The following PTBP3 variants were observed in gnomAD, a reference collection of about 807,000 sequenced individuals.
The protein encoded by PTBP3 is polypyrimidine tract-binding protein 3.
Under a neutral mutation model 58.7 loss-of-function variants are expected in PTBP3, and 20 were observed. The ratio of observed to expected loss-of-function variants is 0.34; its 90% CI spans 0.24 to 0.50. PTBP3 has a LOEUF of 0.50. PTBP3 is among the 20% of genes least tolerant of loss of function. PTBP3 has a pLI of 0.98. For missense variants in PTBP3, 509 were observed against 637.2 expected, an observed-to-expected ratio of 0.80 and a Z score of 2.17; for synonymous variants, 185 against 219.8, an observed-to-expected ratio of 0.84 and a Z score of 1.40.
intron 5 of PTBP3, among the ~76,000 whole-genome samples, chr9:112,256,536 T>C (rs1199839123): frequency 6.6e-6 from 1 of 152,024 alleles, no homozygotes; most frequent in East Asian, 1.9e-4. Flanking sequence ...TATGCAATTT[T>C]TTTTTCCTTT....
At chr9:112,343,140 A>G in the PTBP3 span, among the ~76,000 whole-genome samples, 1 of 152,172 alleles carries the variant, frequency 6.6e-6, no homozygotes, top group African/African-American at 2.4e-5. Flanking sequence ...CAGAAAGTAA[A>G]AAAGTTACTT....
the PTBP3 span, among the ~76,000 whole-genome samples, chr9:112,339,407 T>G: frequency 6.6e-6 from 1 of 152,020 alleles, no homozygotes; most frequent in African/African-American, 2.4e-5. Context: ...TTGACTTCTT[T>G]TTGTCCTTAA....
chr9:112,351,353 G>A, the PTBP3 span, among the ~76,000 whole-genome samples: 1 of 152,142 alleles, frequency 6.6e-6, no homozygotes, highest in East Asian at 1.9e-4. Context: ...ATATGTTTTT[G>A]GGAGAAAGAC....
chr9:112,272,855 C>A (rs1175760505), intron 3 of PTBP3: 1 of 152,134 alleles, frequency 6.6e-6, no homozygotes, highest in African/African-American at 2.4e-5. Context: ...AATTAGCAAG[C>A]ATATATCAAC....
the PTBP3 span, chr9:112,379,845 G>T: frequency 1.9e-6 from 1 of 514,772 alleles, no homozygotes; most frequent in Admixed American, 3.9e-5. Flanking sequence ...CCAGACGCTA[G>T]GCGCCGACAG....
intron 2 of PTBP3, among the ~76,000 whole-genome samples, chr9:112,276,611 G>T (rs1827621803): frequency 6.6e-6 from 1 of 151,932 alleles, no homozygotes; most frequent in African/African-American, 2.4e-5. Flanking sequence ...CCACCTTGCT[G>T]AAAATGGAAA....
At chr9:112,248,838 C>T (rs940565501) in intron 7 of PTBP3, among the ~76,000 whole-genome samples, 4 of 152,112 alleles carry the variant, frequency 2.6e-5, no homozygotes, top group Non-Finnish European at 5.9e-5. Context: ...TAGCATCAAA[C>T]TAAAACAACC....
chr9:112,322,324 T>C (rs562875157), intron 1 of PTBP3, among the ~76,000 whole-genome samples: 8 of 152,262 alleles, frequency 5.3e-5, no homozygotes, highest in African/African-American at 1.7e-4. Flanking sequence ...CAGTCCCTTC[T>C]GGCTTACCTG....
intron 2 of PTBP3, among the ~76,000 whole-genome samples, chr9:112,293,010 A>T (rs1020704111): frequency 2.0e-5 from 3 of 152,224 alleles, no homozygotes; most frequent in African/African-American, 7.2e-5. Context: ...AAATAATTCA[A>T]ATATCCACTG....
chr9:112,310,381 G>C (rs1187353108), intron 1 of PTBP3, among the ~76,000 whole-genome samples: 1 of 152,026 alleles, frequency 6.6e-6, no homozygotes, highest in East Asian at 1.9e-4. Context: ...CCTCTAAAAA[G>C]CCTTCTAATT....
intron 1 of PTBP3, among the ~76,000 whole-genome samples, chr9:112,326,016 T>TCAAA (rs56303654): frequency 0.85 from 128,085 of 151,388 alleles, 54,578 homozygotes; most frequent in African/African-American, 0.95. Flanking sequence ...AGACCCTGTC[T>TCAAA]CAAACAAACA....
At chr9:112,270,921 A>G (rs554035977) in intron 3 of PTBP3, among the ~76,000 whole-genome samples, 2 of 152,166 alleles carry the variant, frequency 1.3e-5, no homozygotes, top group Admixed American at 1.3e-4. Flanking sequence ...GGGTTCAAGC[A>G]ATCCGCGGCT....
At chr9:112,360,383 T>C in the PTBP3 span, among the ~76,000 whole-genome samples, 1 of 151,870 alleles carries the variant, frequency 6.6e-6, no homozygotes, top group Non-Finnish European at 1.5e-5. Flanking sequence ...AATCAGGGTG[T>C]CACTGTTGCC....
intron 1 of PTBP3, among the ~76,000 whole-genome samples, chr9:112,312,492 T>TTTG (rs1829526665): frequency 6.8e-6 from 1 of 146,846 alleles, no homozygotes; most frequent in East Asian, 2.0e-4. Context: ...TTTTTTGTTT[T>TTTG]TTTTTTTTAA....
chr9:112,284,083 T>C (rs962154257), intron 2 of PTBP3, among the ~76,000 whole-genome samples: 1 of 151,914 alleles, frequency 6.6e-6, no homozygotes, highest in Non-Finnish European at 1.5e-5. Context: ...GAAGCTCTAC[T>C]AGGGCAGTGC....
At chr9:112,305,181 G>A (rs11793783) in intron 1 of PTBP3, among the ~76,000 whole-genome samples, 174 of 151,712 alleles carry the variant, frequency 1.1e-3, no homozygotes, top group Non-Finnish European at 2.1e-3. Flanking sequence ...AACTTACCTT[G>A]TCCAAAGAAA....
chr9:112,246,580 C>T (rs1438665523), intron 7 of PTBP3, among the ~76,000 whole-genome samples: 1 of 151,326 alleles, frequency 6.6e-6, no homozygotes, highest in East Asian at 2.0e-4. Flanking sequence ...GTAGTCCCAG[C>T]TACTCAGGAG....
intron 2 of PTBP3, among the ~76,000 whole-genome samples, chr9:112,291,611 T>C (rs1041555501): frequency 2.0e-5 from 3 of 152,120 alleles, no homozygotes; most frequent in Non-Finnish European, 4.4e-5. Flanking sequence ...GGCTACACGA[T>C]AGGAAAAGAA....
At chr9:112,270,512 A>C (rs544063518) in intron 3 of PTBP3, among the ~76,000 whole-genome samples, 1 of 152,190 alleles carries the variant, frequency 6.6e-6, no homozygotes, top group South Asian at 2.1e-4. Flanking sequence ...TAAACATACG[A>C]AGCATTTTTA....
Sources: gnomAD v4.1 joint callset for allele counts (sites outside exome capture counted in the v4.1 genomes callset) on GRCh38, gnomAD v4.1.1 for gene constraint, MANE v1.5 for transcripts, NCBI Gene and HGNC (gene_info 2026-07-23, HGNC 2026-07-21) for gene names.